The following MYOM1 variants were observed in gnomAD, a reference collection of about 807,000 sequenced individuals.
MYOM1 encodes myomesin-1.
In MYOM1, 164 loss-of-function variants were observed where a neutral mutation model predicts 205.3. The ratio of observed to expected loss-of-function variants is 0.80; its 90% CI spans 0.70 to 0.91. The LOEUF is 0.91. Ranked by LOEUF, MYOM1 falls within the 40% of genes least tolerant of loss-of-function variation. The pLI is 0.00. For synonymous variants in MYOM1, 772 were observed against 789.4 expected (o/e 0.98, Z 0.37); for missense variants, 2,011 against 2,127.3 (o/e 0.95, Z 1.08).
chr18:3,103,839 T>A (rs1003860510), intron 22 of MYOM1, among the ~76,000 whole-genome samples: 1 of 152,226 alleles, frequency 6.6e-6, no homozygotes, highest in South Asian at 2.1e-4. Context: ...CTGAGCCTGA[T>A]AGTTGATCTA....
intron 1 of MYOM1, among the ~76,000 whole-genome samples, chr18:3,215,773 T>C (rs1328372190): frequency 6.6e-6 from 1 of 152,152 alleles, no homozygotes; most frequent in Non-Finnish European, 1.5e-5. Context: ...GAGGTTTTCC[T>C]AGAAAAACAA....
rs560285997 is a variant in MYOM1, at chr18:3,181,805, C to T, written c.930-5671G>A. 2.7e-5 allele frequency among the ~76,000 whole-genome samples: 4 copies of T among 147,854 alleles called. No homozygotes were observed. The Admixed American group carries it at 2.7e-4, about 10-fold the overall frequency. On this transcript the variant is annotated intron_variant, in intron 5 of 37. Coordinates refer to ENST00000356443, the MANE Select transcript of MYOM1 (RefSeq NM_003803.4). ...GCTGTAGCGCAGTGGTGCGATCTCA[C>T]TCACTGCAACTTCCACCTCCCAGAT...
At position 3,103,641 on chromosome 18, in the gene MYOM1, T is replaced by A. The variant is rs192652005; in HGVS notation, c.3419-1011A>T. On this transcript the variant is annotated intron_variant, in intron 22 of 37. Coordinates refer to ENST00000356443, the MANE Select transcript of MYOM1 (RefSeq NM_003803.4). ...CCAGAAAAGTACAGCTGTATTTTTT[T>A]AAAAAGCATAAAAAAACCTTCCAAA... Among the ~76,000 whole-genome samples the A allele has an allele frequency of 5.3e-3, 801 of 152,306 alleles. 10 individuals carry two copies. Among genetic ancestry groups the A allele is most frequent in the African/African-American group, 0.018 (764 of 41,550 alleles).
chr18:3,083,427 C>CTTTTTTT (rs35959808), intron 33 of MYOM1, among the ~76,000 whole-genome samples: 1,410 of 98,450 alleles, frequency 0.014, 2 homozygotes, highest in Non-Finnish European at 0.019. Flanking sequence ...TTTTCTTTTT[C>CTTTTTTT]TTTTTTTTTT....
intron 19 of MYOM1, among the ~76,000 whole-genome samples, chr18:3,124,608 C>T (rs1013436706): frequency 4.6e-5 from 7 of 151,756 alleles, no homozygotes; most frequent in African/African-American, 1.5e-4. Flanking sequence ...GGATTACAGG[C>T]GTGAGCCACC....
At chr18:3,079,400 C>CT in intron 33 of MYOM1, 58 bp from the exon 34 acceptor site, 4 of 1,506,662 alleles carry the variant, frequency 2.7e-6, no homozygotes, top group Non-Finnish European at 3.6e-6. Context: ...CTGATCTTTA[C>CT]TTTGTCTCTC....
intron 10 of MYOM1, among the ~76,000 whole-genome samples, chr18:3,160,774 C>T (rs1350207373): frequency 6.6e-6 from 1 of 152,180 alleles, no homozygotes; most frequent in African/African-American, 2.4e-5. Flanking sequence ...AACTGAGAAT[C>T]TTTCCATTTC....
At chr18:3,067,799 G>A (rs1207982122) in intron 37 of MYOM1, among the ~76,000 whole-genome samples, 2 of 152,074 alleles carry the variant, frequency 1.3e-5, no homozygotes, top group Non-Finnish European at 2.9e-5. Flanking sequence ...CTGGCTTCTG[G>A]AATGCTTATT....
At chr18:3,104,800 T>C (rs969433385) in intron 22 of MYOM1, among the ~76,000 whole-genome samples, 3 of 128,982 alleles carry the variant, frequency 2.3e-5, no homozygotes, top group Non-Finnish European at 4.7e-5. Flanking sequence ...TCACCCAGGC[T>C]GGAGTACAGT....
chr18:3,125,554 C>T (rs2079767378), intron 19 of MYOM1, among the ~76,000 whole-genome samples: 1 of 144,938 alleles, frequency 6.9e-6, no homozygotes, highest in Non-Finnish European at 1.5e-5. Context: ...AGGAGCGAAA[C>T]TCCATCTCAA....
intron 19 of MYOM1, among the ~76,000 whole-genome samples, chr18:3,124,812 G>A (rs2079755756): frequency 6.6e-6 from 1 of 152,080 alleles, no homozygotes; most frequent in Non-Finnish European, 1.5e-5. Flanking sequence ...GAATAGAGAA[G>A]GCATTTCACC....
rs932464713 is a variant in MYOM1 at position 3,179,691 on chromosome 18, G to A, written c.930-3557C>T. Among the ~76,000 whole-genome samples the A allele has an allele frequency of 2.6e-5, 4 of 152,150 alleles. No homozygotes were observed. Among genetic ancestry groups the A allele is most frequent in the Admixed American group, 2.6e-4 (4 of 15,278 alleles). On this transcript the variant is annotated intron_variant, in intron 5 of 37. Transcript: ENST00000356443. This position sits in a 1 kb window ranked among gnomAD's most constrained non-coding sequence, Gnocchi z 4.4. ...CAGACAGGACTATCTGATCAGAGAT[G>A]GCCTGGAAAAAGAAATCCACTGGCC...
chr18:3,100,476 G>T, intron 23 of MYOM1, 50 bp from the exon 24 acceptor site: 1 of 1,371,470 alleles, frequency 7.3e-7, no homozygotes, highest in Non-Finnish European at 1.0e-6. Flanking sequence ...GGGATCTGTG[G>T]GCCTGTGTTT....
At chr18:3,225,730 A>G in the MYOM1 span, among the ~76,000 whole-genome samples, 4 of 152,148 alleles carry the variant, frequency 2.6e-5, no homozygotes, top group Non-Finnish European at 5.9e-5. Context: ...TCCCAAGGCC[A>G]TGGAAAGTTG....
At chr18:3,181,543 T>C (rs931386710) in intron 5 of MYOM1, among the ~76,000 whole-genome samples, 1 of 152,188 alleles carries the variant, frequency 6.6e-6, no homozygotes, top group African/African-American at 2.4e-5. Context: ...ATTCTAATCT[T>C]GAAAATAAAC....
intron 9 of MYOM1, 87 bp from the exon 10 acceptor site, chr18:3,164,526 T>C: frequency 7.9e-7 from 1 of 1,258,234 alleles, no homozygotes; most frequent in Non-Finnish European, 1.1e-6. Context: ...TCCTTAGCCT[T>C]TTCTATAATG....
rs1364399940 is a variant in MYOM1 at position 3,193,892 on chromosome 18, G to A, written c.357C>T (p.Ala119=). 1 of 1,613,710 alleles carries A rather than the reference G, an allele frequency of 6.2e-7. No homozygotes were observed. The highest frequency in any genetic ancestry group is 1.3e-5 in the African/African-American group (1 of 74,908). The part of the protein sequence containing the change: ...SSKLSPKPKR[A]KHSLLSGEEK... ...CTTCTCCAGACAGTAGGCTGTGCTT[G>A]GCTCTCTTTGGTTTGGGGCTCAACT... Residue 119 remains alanine, a synonymous_variant, in exon 3 of 38, where the codon GCC becomes GCT. Transcript: ENST00000356443.
rs375473833 is a variant in MYOM1, at chr18:3,112,279, T to C, written c.3418+19A>G. 4.4e-6 allele frequency: 7 copies of C among 1,606,334 alleles called. No homozygotes were observed. Among genetic ancestry groups the C allele is most frequent in the Non-Finnish European group, 4.3e-6 (5 of 1,173,422 alleles). Reference sequence around the variant, plus strand: ...CTTACACAGATAGGATTAGTTTTAATGAAAAGGTGAAAGCCCACCTGGACG... The same window carrying C: ...CTTACACAGATAGGATTAGTTTTAACGAAAAGGTGAAAGCCCACCTGGACG... On this transcript the variant is annotated intron_variant, in intron 22 of 37. Transcript: ENST00000356443.
At position 3,151,872 on chromosome 18, in the gene MYOM1, G is replaced by C. The variant is rs2080228357; in HGVS notation, c.1665C>G (p.Ser555Arg). ...CAGGTGTGTCATTGCACTGCGACCA[G>C]CTATCTGTGCCCACCTCACACCTAA... Reference protein sequence around the residue: ...FIDKCEVGTDSWSQCNDTPVK... With the variant: ...FIDKCEVGTDRWSQCNDTPVK... Residue 555 changes from serine (S) to arginine (R), a missense_variant, in exon 12 of 38, where the codon AGC (serine) becomes AGG (arginine). By Grantham distance (110) the Ser-to-Arg change is moderately radical (BLOSUM62 -1). Coordinates refer to ENST00000356443, the MANE Select transcript of MYOM1 (RefSeq NM_003803.4). The C allele has an allele frequency of 6.2e-7, 1 of 1,612,664 alleles. No individual in the cohort carries two copies. The highest frequency in any genetic ancestry group is 2.2e-5 in the East Asian group (1 of 44,836).
Sources: allele counts gnomAD v4.1 joint callset (sites outside exome capture counted in the v4.1 genomes callset), GRCh38; gene constraint gnomAD v4.1.1; non-coding constraint Gnocchi (gnomAD v3.1); transcripts MANE v1.5; gene names NCBI Gene and HGNC (gene_info 2026-07-23, HGNC 2026-07-21).